NAV2: variants seen among roughly 807,000 people sequenced by gnomAD.
NAV2 encodes the protein helicase, APC down-regulated 1.
NAV2 carries 54 observed loss-of-function variants against 223.2 expected under a neutral mutation model. The ratio of observed to expected loss-of-function variants is 0.24; its 90% CI spans 0.19 to 0.30. The LOEUF (loss-of-function observed/expected upper bound fraction) is 0.30. NAV2 is among the 10% of genes least tolerant of loss of function. The pLI is 1.00. For missense variants in NAV2, 2,806 were observed against 3,147.5 expected (o/e 0.89, Z 2.60); for synonymous variants, 1,279 against 1,239.3 (o/e 1.03, Z -0.67).
chr11:19,709,412 G>A (rs2049789428), upstream of NAV2, among the ~76,000 whole-genome samples: 2 of 151,720 alleles, frequency 1.3e-5, no homozygotes, highest in Middle Eastern at 3.2e-3. Flanking sequence ...CATGGTGGCG[G>A]GTGCCTGTAG....
chr11:19,721,845 T>A (rs1274704451), intron 1 of NAV2, among the ~76,000 whole-genome samples: 1 of 152,236 alleles, frequency 6.6e-6, no homozygotes, highest in Non-Finnish European at 1.5e-5. Flanking sequence ...AGTATCTTGA[T>A]GTCAGTAAGT....
intron 1 of NAV2, among the ~76,000 whole-genome samples, chr11:19,618,518 A>T (rs1590695510): frequency 6.6e-6 from 1 of 151,600 alleles, no homozygotes; most frequent in Non-Finnish European, 1.5e-5. Context: ...GGATGGATGG[A>T]TGGATGGATG....
chr11:19,391,708 A>G, intron 1 of NAV2, among the ~76,000 whole-genome samples: 1 of 151,678 alleles, frequency 6.6e-6, no homozygotes, highest in East Asian at 1.9e-4. Flanking sequence ...ACTGGGGGGG[A>G]TGGATTTCAT....
chr11:19,803,792 T>C (rs1288073038), intron 1 of NAV2, among the ~76,000 whole-genome samples: 1 of 152,232 alleles, frequency 6.6e-6, no homozygotes, highest in Non-Finnish European at 1.5e-5. Context: ...CCAGTTCTTC[T>C]ACCTGAGAGC....
chr11:20,011,585 C>A (rs1404608447), intron 11 of NAV2, among the ~76,000 whole-genome samples: 1 of 152,210 alleles, frequency 6.6e-6, no homozygotes, highest in Non-Finnish European at 1.5e-5. Context: ...ATCGCTTAAG[C>A]AACGTGTCCA....
chr11:19,756,023 A>G (rs1349568707), intron 1 of NAV2, among the ~76,000 whole-genome samples: 2 of 152,204 alleles, frequency 1.3e-5, no homozygotes, highest in African/African-American at 2.4e-5. Context: ...TAGTTTCTAC[A>G]TCACTTAACA....
At chr11:19,387,389 G>T (rs962513953) in intron 1 of NAV2, among the ~76,000 whole-genome samples, 10 of 152,094 alleles carry the variant, frequency 6.6e-5, no homozygotes, top group African/African-American at 2.4e-4. Context: ...ATAAAGACTG[G>T]AAGCATGGAA....
intron 4 of NAV2, among the ~76,000 whole-genome samples, chr11:19,871,476 T>A (rs962801779): frequency 2.6e-5 from 4 of 152,044 alleles, no homozygotes; most frequent in South Asian, 2.1e-4. Context: ...CTGGGGAAGG[T>A]GCTGTCCTCA....
chr11:19,356,962 A>C (rs2133753936), intron 1 of NAV2, among the ~76,000 whole-genome samples: 1 of 152,360 alleles, frequency 6.6e-6, no homozygotes, highest in East Asian at 1.9e-4. Flanking sequence ...GCACCCTCAT[A>C]GGTGGCCATT....
intron 1 of NAV2, among the ~76,000 whole-genome samples, chr11:19,607,435 T>A (rs1335031160): frequency 6.6e-6 from 1 of 152,182 alleles, no homozygotes; most frequent in African/African-American, 2.4e-5. Flanking sequence ...GGCACTGCCT[T>A]TCTAAGTGGA....
At chr11:19,515,841 G>T (rs536915626) in intron 1 of NAV2, among the ~76,000 whole-genome samples, 3 of 152,306 alleles carry the variant, frequency 2.0e-5, no homozygotes, top group African/African-American at 4.8e-5. Flanking sequence ...GAGCTGGGAG[G>T]ATTTGTTGGT....
At chr11:19,940,809 T>C (rs1171370354) in intron 8 of NAV2, among the ~76,000 whole-genome samples, 1 of 152,228 alleles carries the variant, frequency 6.6e-6, no homozygotes, top group Non-Finnish European at 1.5e-5. Context: ...TTCAAGCCAT[T>C]TGTAAGCAGT....
At chr11:19,520,347 A>T (rs2043607910) in intron 1 of NAV2, among the ~76,000 whole-genome samples, 1 of 152,232 alleles carries the variant, frequency 6.6e-6, no homozygotes, top group Non-Finnish European at 1.5e-5. Context: ...AAAAGTATTA[A>T]ATGACTTGCC....
chr11:19,544,971 T>C lies in NAV2; in HGVS notation c.75+193944T>C, dbSNP rs544701445. On this transcript the variant is annotated intron_variant, in intron 1 of 37. Transcript: ENST00000360655. Reference sequence around the variant, plus strand: ...ACATGTGGAACACCTAGCAGATGGTTGGGCCAAAGTAAATGTCCCACTCTC... The same window carrying C: ...ACATGTGGAACACCTAGCAGATGGTCGGGCCAAAGTAAATGTCCCACTCTC... Among the ~76,000 whole-genome samples, 7 of 152,368 alleles carry C rather than the reference T, an allele frequency of 4.6e-5. No individual in the cohort carries two copies. In the East Asian group the frequency reaches 1.3e-3, roughly 29 times the overall value.
intron 25 of NAV2, among the ~76,000 whole-genome samples, chr11:20,080,782 C>T (rs2060043154): frequency 1.3e-5 from 2 of 152,190 alleles, no homozygotes; most frequent in Admixed American, 1.3e-4. Context: ...TTAATAGAAT[C>T]AGTCTCCATT....
At chr11:19,875,123 C>T (rs536180751) in intron 4 of NAV2, among the ~76,000 whole-genome samples, 1 of 152,284 alleles carries the variant, frequency 6.6e-6, no homozygotes, top group South Asian at 2.1e-4. Context: ...TGCCACTGCA[C>T]TCCAGCCTGG....
At chr11:19,686,846 T>C (rs2049037729) in intron 1 of NAV2, among the ~76,000 whole-genome samples, 1 of 152,262 alleles carries the variant, frequency 6.6e-6, no homozygotes, top group African/African-American at 2.4e-5. Context: ...ATTTAGTCTT[T>C]AATGGATACT....
intron 6 of NAV2, among the ~76,000 whole-genome samples, chr11:19,914,901 G>A (rs1247864215): frequency 1.3e-5 from 2 of 152,148 alleles, no homozygotes; most frequent in Non-Finnish European, 2.9e-5. Flanking sequence ...TTTCTCCATG[G>A]CCACCTTTTG....
At chr11:19,871,513 T>C (rs570424812) in intron 4 of NAV2, among the ~76,000 whole-genome samples, 1 of 152,140 alleles carries the variant, frequency 6.6e-6, no homozygotes, top group South Asian at 2.1e-4. Context: ...CTGTCTCAGC[T>C]GGTAGTCTCA....
Sources: gnomAD v4.1 joint callset for allele counts (sites outside exome capture counted in the v4.1 genomes callset) on GRCh38, gnomAD v4.1.1 for gene constraint, MANE v1.5 for transcripts, NCBI Gene and HGNC (gene_info 2026-07-23, HGNC 2026-07-21) for gene names.